The following ACAN variants were observed in gnomAD, a reference collection of about 807,000 sequenced individuals.
ACAN encodes aggrecan.
In ACAN, 47 loss-of-function variants were observed where a neutral mutation model predicts 169.1. The ratio of observed to expected loss-of-function variants is 0.28; its 90% CI spans 0.22 to 0.35. The LOEUF (loss-of-function observed/expected upper bound fraction) is 0.35. Among genes scored for constraint, ACAN ranks in the 10% least tolerant of loss-of-function variants. The probability of loss-of-function intolerance (pLI) is 1.00; values close to 1 mark genes in which losing one functional copy is unlikely to be tolerated. For synonymous variants in ACAN, 1,115 were observed against 1,112.2 expected (o/e 1.00, Z -0.05); for missense variants, 2,716 against 2,759.9 (o/e 0.98, Z 0.36).
chr15:88,849,535 G>C lies in ACAN; in HGVS notation c.1830G>C (p.Gln610His). 2 of 1,605,726 alleles carry C rather than the reference G, an allele frequency of 1.2e-6. No individual in the cohort carries two copies. The highest frequency in any genetic ancestry group is 1.7e-4 in the Middle Eastern group (1 of 6,056). Residue 610 changes from glutamine to histidine, a missense_variant, in exon 10 of 19, where the codon CAG (glutamine) becomes CAC (histidine). Gln to His is a conservative substitution (Grantham distance 24). Coordinates refer to ENST00000560601, the MANE Select transcript of ACAN (RefSeq NM_001369268.1). The surrounding 1 kb of genome is among the most constrained non-coding windows in gnomAD (Gnocchi z 5.1). ...ATGCTACGCTGGCCACCACGGGCCA[G>C]CTCTACGCCGCCTGGAGCCGCGGCC... is the stretch of plus-strand genomic sequence containing the variant. Reference protein sequence around the residue: ...SHNATLATTGQLYAAWSRGLD... With the variant: ...SHNATLATTGHLYAAWSRGLD...
intron 13 of ACAN, among the ~76,000 whole-genome samples, chr15:88,864,289 A>G (rs983789345): frequency 1.3e-4 from 19 of 151,084 alleles, no homozygotes; most frequent in Admixed American, 6.6e-5. Flanking sequence ...TTTTTTTAAG[A>G]CAGAGTCTCG....
intron 10 of ACAN, chr15:88,850,192 A>G: frequency 3.5e-6 from 1 of 288,122 alleles, no homozygotes; most frequent in Non-Finnish European, 6.4e-6. Context: ...ATATAGCTTT[A>G]TTTTGTACAA....
At position 88,871,119 on chromosome 15, in the gene ACAN, G is replaced by C. The variant is rs1897368084; in HGVS notation, c.7061-263G>C. Among the ~76,000 whole-genome samples the C allele has an allele frequency of 6.6e-6, 1 of 152,198 alleles. No individual in the cohort carries two copies. Among genetic ancestry groups the C allele is most frequent in the Non-Finnish European group, 1.5e-5 (1 of 68,026 alleles). On this transcript the variant is annotated intron_variant, in intron 14 of 18. Transcript: ENST00000560601. This position sits in a 1 kb window ranked among gnomAD's most constrained non-coding sequence, Gnocchi z 7.8. ...CAGAGCAGGCATCAAGAGGAGGAAA[G>C]CTTGGGAGAGGGTGAGGGGGGAGGG...
chr15:88,839,917 CCCTTTGACTATTG>C lies in ACAN; in HGVS notation c.455-92_455-80del. 7.0e-7 allele frequency: 1 copy of C among 1,438,362 alleles called. No homozygotes were observed. The highest frequency in any genetic ancestry group is 9.5e-7 in the Non-Finnish European group (1 of 1,057,156). The allele number at this position is 1,438,362 out of a possible 1,614,324, so 89.1% of individuals were successfully genotyped here. ...CCCAGACCAGCCAGTTCCCTAAGGT[CCCTTTGACTATTG>C]CCATAATTCTGCGAGGGCCTCGGTG... is the stretch of plus-strand genomic sequence containing the variant. On this transcript the variant is annotated intron_variant, in intron 3 of 18. Transcript: ENST00000560601. The surrounding 1 kb of genome is among the most constrained non-coding windows in gnomAD (Gnocchi z 4.5).
rs202205582 is a variant in ACAN at position 88,847,276 on chromosome 15, G to A, written c.1463G>A (p.Arg488His). Residue 488 changes from arginine (R) to histidine (H), a missense_variant, in exon 8 of 19, where the codon CGC becomes CAC. Coordinates refer to ENST00000560601, the MANE Select transcript of ACAN (RefSeq NM_001369268.1). ...TTCCACTACCGCCCGGGACCCACCC[G>A]CTACTCGCTGACCTTTGAGGAGGCA... ...VVFHYRPGPTRYSLTFEEAQQ... is the reference protein window; with the variant it reads ...VVFHYRPGPTHYSLTFEEAQQ... 51 of 1,565,398 alleles carry A rather than the reference G, an allele frequency of 3.3e-5. No individual in the cohort carries two copies. The highest frequency in any genetic ancestry group is 3.1e-4 in the East Asian group (13 of 42,120).
intron 1 of ACAN, among the ~76,000 whole-genome samples, chr15:88,813,536 C>T (rs1180474320): frequency 6.6e-6 from 1 of 152,182 alleles, no homozygotes; most frequent in East Asian, 1.9e-4. Context: ...TCCCCAGCTT[C>T]TCTCAGTAGT....
Position 88,858,940 on chromosome 15 carries a change from G to C in ACAN, c.6355G>C (p.Ala2119Pro). 2 of 1,611,364 alleles carry C rather than the reference G, an allele frequency of 1.2e-6. No individual in the cohort carries two copies. Among genetic ancestry groups the C allele is most frequent in the South Asian group, 2.2e-5 (2 of 91,010 alleles). ...GTTCGGGGCATCTGCCGCCCCTGAG[G>C]CCAGCAGAGAAGATTCTGGGTCCCC... is the stretch of plus-strand genomic sequence containing the variant. ...AGFGASAAPE[A>P]SREDSGSPDL... is the part of the protein sequence containing the mutation. The change falls in exon 12 of 19, where the codon GCC (alanine) becomes CCC (proline). Residue 2119 changes from alanine (A) to proline (P), a missense_variant. Ala to Pro is a conservative substitution (Grantham distance 27). This residue lies in a region of ACAN where 1,389 missense variants were observed against 1,363.7 expected (regional missense o/e 1.02). Coordinates refer to ENST00000560601, the MANE Select transcript of ACAN (RefSeq NM_001369268.1). The surrounding 1 kb of genome is among the most constrained non-coding windows in gnomAD (Gnocchi z 4.0).
At chr15:88,822,536 G>T (rs1342486170) in intron 1 of ACAN, among the ~76,000 whole-genome samples, 3 of 150,886 alleles carry the variant, frequency 2.0e-5, no homozygotes, top group African/African-American at 7.3e-5. Context: ...GCGTGATCTT[G>T]GCTCACTGCA....
chr15:88,811,958 C>T (rs1476187290), intron 1 of ACAN, among the ~76,000 whole-genome samples: 2 of 152,152 alleles, frequency 1.3e-5, no homozygotes, highest in African/African-American at 2.4e-5. Flanking sequence ...CACTTGTTTC[C>T]TAAACGCAAC....
At chr15:88,852,575 G>A (rs1326195489) in intron 11 of ACAN, among the ~76,000 whole-genome samples, 2 of 152,208 alleles carry the variant, frequency 1.3e-5, no homozygotes, top group Admixed American at 6.5e-5. Context: ...GAAAGCAGCA[G>A]TCCCTAAACC....
At chr15:88,830,795 A>C (rs897948611) in intron 1 of ACAN, among the ~76,000 whole-genome samples, 2 of 152,212 alleles carry the variant, frequency 1.3e-5, no homozygotes, top group Non-Finnish European at 2.9e-5. Context: ...ACACTGGTGT[A>C]GGCTTTATAG....
chr15:88,804,533 T>C (rs1305157730), intron 1 of ACAN, among the ~76,000 whole-genome samples: 1 of 152,092 alleles, frequency 6.6e-6, no homozygotes, highest in East Asian at 1.9e-4. Context: ...GGAGGGGAGT[T>C]GAGGACACAC....
chr15:88,848,129 C>A (rs1394995002), intron 9 of ACAN, 91 bp downstream of exon 9: 3 of 1,517,798 alleles, frequency 2.0e-6, no homozygotes, highest in Non-Finnish European at 2.7e-6. Context: ...AGGGGGTTAC[C>A]ACCCACCCAC....
At chr15:88,842,647 C>T in intron 5 of ACAN, among the ~76,000 whole-genome samples, 1 of 152,212 alleles carries the variant, frequency 6.6e-6, no homozygotes, top group East Asian at 1.9e-4. Flanking sequence ...GCATTCCCAC[C>T]CCAGGGGGCA....
intron 9 of ACAN, 77 bp downstream of exon 9, chr15:88,848,115 AG>A: frequency 6.4e-7 from 1 of 1,561,144 alleles, no homozygotes; most frequent in Non-Finnish European, 8.7e-7. Flanking sequence ...GATACAAAGA[AG>A]AGAGGGGGTT....
chr15:88,840,899 C>T (rs1039794301), intron 4 of ACAN, among the ~76,000 whole-genome samples: 3 of 152,164 alleles, frequency 2.0e-5, no homozygotes, highest in African/African-American at 7.2e-5. Context: ...AATCCCAGCA[C>T]TTTGGGAGGC....
At position 88,851,059 on chromosome 15, in the gene ACAN, A is replaced by T. The variant is rs1896919141; in HGVS notation, c.2027-735A>T. The T allele has an allele frequency of 6.6e-6, 1 of 152,120 alleles. No individual in the cohort carries two copies. The highest frequency in any genetic ancestry group is 2.4e-5 in the African/African-American group (1 of 41,412). The allele number at this position is 152,120 out of a possible 1,614,324, so 9.4% of individuals were successfully genotyped here. ...GTGCCCCTTCCCTGCTCTGGGAAGC[A>T]GAAACCAAGCCAGTTAACCTCCCAG... On this transcript the variant is annotated intron_variant, in intron 10 of 18. Transcript: ENST00000560601. The surrounding 1 kb of genome is among the most constrained non-coding windows in gnomAD (Gnocchi z 4.3).
chr15:88,816,702 C>A (rs1895950253), intron 1 of ACAN, among the ~76,000 whole-genome samples: 1 of 152,154 alleles, frequency 6.6e-6, no homozygotes. Context: ...TACTCACATA[C>A]CCTGATATCT....
At position 88,851,560 on chromosome 15, in the gene ACAN, A is replaced by G. The variant is rs922080734; in HGVS notation, c.2027-234A>G. The G allele has an allele frequency of 2.0e-5, 10 of 491,344 alleles. 1 individual carries two copies. Among genetic ancestry groups the G allele is most frequent in the African/African-American group, 1.1e-4 (6 of 52,424 alleles). 30.4% of individuals were successfully genotyped at this position (491,344 alleles called of 1,614,324 possible). Reference sequence around the variant, plus strand: ...GAGCAATGCCCGGCATATATGGTCAATTCTGCAGGGGAGATGCCCCAGATC... The same window carrying G: ...GAGCAATGCCCGGCATATATGGTCAGTTCTGCAGGGGAGATGCCCCAGATC... On this transcript the variant is annotated intron_variant, in intron 10 of 18. Transcript: ENST00000560601. The surrounding 1 kb of genome is among the most constrained non-coding windows in gnomAD (Gnocchi z 4.3).
Sources: allele counts gnomAD v4.1 joint callset (sites outside exome capture counted in the v4.1 genomes callset), GRCh38; gene constraint gnomAD v4.1.1; regional missense constraint gnomAD v4.1.1; non-coding constraint Gnocchi (gnomAD v3.1); transcripts MANE v1.5; gene names NCBI Gene and HGNC (gene_info 2026-07-23, HGNC 2026-07-21).